L3MBTL1: variants seen among roughly 807,000 people sequenced by gnomAD.
The protein encoded by L3MBTL1 is L3MBTL histone methyl-lysine binding protein 1.
A neutral mutation model predicts 105.3 loss-of-function variants in L3MBTL1; 75 were observed. That is an observed-to-expected ratio of 0.71 (90% CI 0.59 to 0.86). The LOEUF is 0.86. Among genes scored for constraint, L3MBTL1 ranks in the 40% least tolerant of loss-of-function variants. L3MBTL1 has a pLI of 0.00. For synonymous variants in L3MBTL1, 452 were observed against 436.2 expected (o/e 1.04, Z -0.45); for missense variants, 1,069 against 1,126.4 (o/e 0.95, Z 0.73).
rs146637302 is a variant in L3MBTL1 at position 43,517,455 on chromosome 20, G to A, written c.862+1278G>A. 5.7e-4 allele frequency among the ~76,000 whole-genome samples: 86 copies of A among 151,750 alleles called. 1 individual carries two copies. Among genetic ancestry groups the A allele is most frequent in the African/African-American group, 2.0e-3 (81 of 41,372 alleles). ...GTTTCACTCTATTGCCCAAGCTGGCGTGTAGAGCTGTTCACAGACACACTA... is the reference window on the plus strand; with the variant it reads ...GTTTCACTCTATTGCCCAAGCTGGCATGTAGAGCTGTTCACAGACACACTA... On this transcript the variant is annotated intron_variant, in intron 7 of 21. Coordinates refer to ENST00000418998, the MANE Select transcript of L3MBTL1 (RefSeq NM_001377303.1).
chr20:43,546,841 G>A (rs959104216), downstream of L3MBTL1, among the ~76,000 whole-genome samples: 1 of 152,120 alleles, frequency 6.6e-6, no homozygotes, highest in Non-Finnish European at 1.5e-5. Flanking sequence ...TCACCCCTGA[G>A]GACATAACTT....
chr20:43,547,077 C>A (rs1978649493), intron 18 of L3MBTL1, among the ~76,000 whole-genome samples: 1 of 151,120 alleles, frequency 6.6e-6, no homozygotes, highest in South Asian at 2.1e-4. Context: ...GAGCCCCTCC[C>A]ATCCTTTTTT....
chr20:43,533,189 A>T (rs1206909859), intron 12 of L3MBTL1, among the ~76,000 whole-genome samples, 153 bp from the exon 13 acceptor site: 2 of 151,974 alleles, frequency 1.3e-5, no homozygotes, highest in East Asian at 3.9e-4. Flanking sequence ...TAGAGTTTGT[A>T]ATTCATGTTG....
downstream of L3MBTL1, among the ~76,000 whole-genome samples, chr20:43,542,914 G>C (rs112153096): frequency 0.015 from 2,345 of 152,184 alleles, 82 homozygotes; most frequent in African/African-American, 0.053. Context: ...ATAATTTCTT[G>C]TTAATGGTCA....
At position 43,530,638 on chromosome 20, in the gene L3MBTL1, A is replaced by T. The variant is rs571614339; in HGVS notation, c.1193-160A>T. The T allele has an allele frequency of 4.4e-5, 35 of 796,646 alleles. No homozygotes were observed. The African/African-American group carries it at 5.9e-4, about 13-fold the overall frequency. 49.3% of individuals were successfully genotyped at this position (796,646 alleles called of 1,614,324 possible). On this transcript the variant is annotated intron_variant, in intron 10 of 21. Coordinates refer to ENST00000418998, the MANE Select transcript of L3MBTL1 (RefSeq NM_001377303.1). ...GCACTTGCCCTTTGAGTGTCTACTCAAGTCGTGTCCTGCTTCAGTAGTGGG... is the reference window on the plus strand; with the variant it reads ...GCACTTGCCCTTTGAGTGTCTACTCTAGTCGTGTCCTGCTTCAGTAGTGGG...
At chr20:43,518,397 T>C (rs2018517779) in intron 7 of L3MBTL1, among the ~76,000 whole-genome samples, 1 of 152,192 alleles carries the variant, frequency 6.6e-6, no homozygotes, top group South Asian at 2.1e-4. Flanking sequence ...TACCTAGTGC[T>C]GACGGAGTGC....
At chr20:43,514,606 C>T (rs372007073) in intron 3 of L3MBTL1, 29 bp from the exon 4 acceptor site, 11 of 1,598,746 alleles carry the variant, frequency 6.9e-6, no homozygotes, top group African/African-American at 4.0e-5. Flanking sequence ...GTACGGGAGT[C>T]GCAATCCTCA....
At chr20:43,508,368 G>C (rs1422837494) in intron 1 of L3MBTL1, among the ~76,000 whole-genome samples, 1 of 152,158 alleles carries the variant, frequency 6.6e-6, no homozygotes, top group African/African-American at 2.4e-5. Flanking sequence ...TGCGCTCAGG[G>C]CCGCTTCCGT....
chr20:43,528,933 G>A (rs867258849), intron 8 of L3MBTL1, 188 bp downstream of exon 8: 11 of 612,630 alleles, frequency 1.8e-5, no homozygotes, highest in Non-Finnish European at 2.6e-5. Context: ...AGGGTGGGAA[G>A]AAACAGAGAG....
chr20:43,514,590 G>A (rs1380683614), intron 3 of L3MBTL1, 45 bp from the exon 4 acceptor site: 1 of 1,598,790 alleles, frequency 6.3e-7, no homozygotes, highest in Non-Finnish European at 8.5e-7. Context: ...GATGGGTCAA[G>A]GACCCGTACG....
intron 10 of L3MBTL1, 135 bp downstream of exon 10, chr20:43,530,554 G>T (rs73117941): frequency 9.3e-5 from 96 of 1,031,204 alleles, no homozygotes; most frequent in Non-Finnish European, 1.3e-4. Flanking sequence ...TCTCTTCATC[G>T]CATCCTGATG....
In L3MBTL1 at chr20:43,528,657, C is replaced by T; in HGVS notation, c.863C>T (p.Ala288Val). 1 of 1,613,488 alleles carries T rather than the reference C, an allele frequency of 6.2e-7. No individual in the cohort carries two copies. The highest frequency in any genetic ancestry group is 8.5e-7 in the Non-Finnish European group (1 of 1,179,362). ...ESEEWSSSQPATGEKKECWSW... is the reference protein window; with the variant it reads ...ESEEWSSSQPVTGEKKECWSW... ...TAGCCTGTCTGTCCCCTTTCCACAG[C>T]AACAGGTGAGAAGAAGGAATGCTGG... Residue 288 changes from alanine to valine, a missense_variant and splice_region_variant, in exon 8 of 22, where the codon GCA (alanine) becomes GTA (valine). Physicochemically the swap from Ala to Val is moderately conservative, Grantham distance 64 (BLOSUM62 0). Coordinates refer to ENST00000418998, the MANE Select transcript of L3MBTL1 (RefSeq NM_001377303.1).
At chr20:43,532,568 T>C in intron 11 of L3MBTL1, 1 of 545,954 alleles carries the variant, frequency 1.8e-6, no homozygotes, top group South Asian at 2.7e-5. Context: ...GAGTGCACCT[T>C]GGAGGCCAGA....
intron 12 of L3MBTL1, among the ~76,000 whole-genome samples, 177 bp downstream of exon 12, chr20:43,533,101 G>A (rs191700136): frequency 2.3e-3 from 357 of 152,274 alleles, no homozygotes; most frequent in African/African-American, 7.4e-3. Context: ...AATATTAAAT[G>A]TTTCATCTAA....
intron 7 of L3MBTL1, among the ~76,000 whole-genome samples, chr20:43,527,864 C>T (rs1002401132): frequency 2.0e-5 from 3 of 151,960 alleles, no homozygotes; most frequent in Non-Finnish European, 4.4e-5. Flanking sequence ...GGACTACAGG[C>T]GTGTGCCACC....
At chr20:43,525,027 G>A (rs561146534) in intron 7 of L3MBTL1, among the ~76,000 whole-genome samples, 1 of 151,710 alleles carries the variant, frequency 6.6e-6, no homozygotes, top group South Asian at 2.1e-4. Flanking sequence ...TAGGCTCAAA[G>A]CAAGGACAGT....
At chr20:43,528,953 AG>A (rs1482780206) in intron 8 of L3MBTL1, 2 of 607,036 alleles carry the variant, frequency 3.3e-6, no homozygotes, top group Non-Finnish European at 5.8e-6. Flanking sequence ...GGTGGAAGCT[AG>A]GCTCACTCAT....
At chr20:43,529,500 A>G (rs2019214809) in intron 9 of L3MBTL1, 132 bp downstream of exon 9, 5 of 688,266 alleles carry the variant, frequency 7.3e-6, no homozygotes, top group Non-Finnish European at 1.3e-5. Flanking sequence ...TGAAGCTGGA[A>G]TACATAGAAA....
intron 7 of L3MBTL1, among the ~76,000 whole-genome samples, chr20:43,526,074 G>A (rs992032098): frequency 6.6e-6 from 1 of 152,202 alleles, no homozygotes; most frequent in Non-Finnish European, 1.5e-5. Flanking sequence ...GGTCAGAGGT[G>A]TCTGCTGTGG....
Sources: gnomAD v4.1 joint callset for allele counts (sites outside exome capture counted in the v4.1 genomes callset) on GRCh38, gnomAD v4.1.1 for gene constraint, MANE v1.5 for transcripts, NCBI Gene and HGNC (gene_info 2026-07-23, HGNC 2026-07-21) for gene names.